The following NELL1 variants were observed in gnomAD, a reference collection of about 807,000 sequenced individuals.
The protein encoded by NELL1 is neural EGFL like 1, also known as protein kinase C-binding protein NELL1.
A neutral mutation model predicts 107.4 loss-of-function variants in NELL1; 76 were observed. That is an observed-to-expected ratio of 0.71 (90% CI 0.59 to 0.86). The LOEUF is 0.86. Ranked by LOEUF, NELL1 falls within the 40% of genes least tolerant of loss-of-function variation. The pLI is 0.00. For synonymous variants in NELL1, 353 were observed against 341.2 expected (o/e 1.03, Z -0.38); for missense variants, 1,024 against 1,005.5 (o/e 1.02, Z -0.25).
chr11:21,409,649 A>T (rs1852327001), intron 15 of NELL1, among the ~76,000 whole-genome samples: 1 of 151,970 alleles, frequency 6.6e-6, no homozygotes, highest in South Asian at 2.1e-4. Flanking sequence ...AAAGAACCTA[A>T]AATTCAGGCT....
chr11:20,784,305 T>C (rs1182070151), intron 3 of NELL1, among the ~76,000 whole-genome samples: 2 of 152,048 alleles, frequency 1.3e-5, no homozygotes, highest in African/African-American at 2.4e-5. Flanking sequence ...AATCAGGAAA[T>C]AAAGGTAAGA....
chr11:20,671,749 G>A (rs1017888477), intron 1 of NELL1, among the ~76,000 whole-genome samples: 3 of 149,684 alleles, frequency 2.0e-5, no homozygotes, highest in Non-Finnish European at 4.4e-5. Flanking sequence ...GAAACTGGCA[G>A]GCATTTTAAT....
intron 13 of NELL1, among the ~76,000 whole-genome samples, chr11:21,127,399 A>G (rs534904603): frequency 6.6e-6 from 1 of 152,270 alleles, no homozygotes; most frequent in Non-Finnish European, 1.5e-5. Flanking sequence ...ATTCAAAACC[A>G]GCCTGGTCAA....
chr11:21,366,182 TTC>T (rs1851215551), intron 14 of NELL1, among the ~76,000 whole-genome samples: 1 of 152,168 alleles, frequency 6.6e-6, no homozygotes, highest in Non-Finnish European at 1.5e-5. Context: ...AGAAATGAGT[TTC>T]TGTTTGTAAA....
intron 13 of NELL1, among the ~76,000 whole-genome samples, chr11:21,121,695 T>C (rs946556553): frequency 6.6e-6 from 1 of 152,124 alleles, no homozygotes; most frequent in East Asian, 1.9e-4. Context: ...GAAGAAATTA[T>C]AGAAACTTTC....
rs565818200 is a variant in NELL1 at position 21,269,137 on chromosome 11, C to T, written c.1549+39683C>T. On this transcript the variant is annotated intron_variant, in intron 14 of 19. Coordinates refer to ENST00000357134, the MANE Select transcript of NELL1 (RefSeq NM_006157.5). ...AAGAAAAAGAAAACTGAGAAAAAAA[C>T]AAAACAAAACAAAAAGCCAAAGAAC... 1.2e-3 allele frequency among the ~76,000 whole-genome samples: 176 copies of T among 151,212 alleles called. 2 individuals are homozygous for T. The highest frequency in any genetic ancestry group is 2.2e-3 in the Non-Finnish European group (147 of 67,742).
intron 2 of NELL1, among the ~76,000 whole-genome samples, chr11:20,700,868 A>C (rs1194523402): frequency 1.3e-5 from 2 of 152,200 alleles, no homozygotes; most frequent in Non-Finnish European, 2.9e-5. Flanking sequence ...CTAGTATTCC[A>C]TGGTGTATAT....
chr11:20,952,108 G>A (rs1851080542), intron 11 of NELL1, among the ~76,000 whole-genome samples: 1 of 151,918 alleles, frequency 6.6e-6, no homozygotes, highest in Non-Finnish European at 1.5e-5. Context: ...GACCACTCCA[G>A]GAAAACAGAC....
chr11:20,841,021 T>G (rs956756378), intron 3 of NELL1, among the ~76,000 whole-genome samples: 6 of 152,204 alleles, frequency 3.9e-5, no homozygotes, highest in African/African-American at 1.4e-4. Context: ...CTTTCTTCGG[T>G]TTCATGTTTC....
rs570690442 is a variant in NELL1, at chr11:21,540,401, T to C, written c.1786+5887T>C. On this transcript the variant is annotated intron_variant, in intron 16 of 19. Transcript: ENST00000357134. ...ATTTTCCCTACCTCCATCAAATCAA[T>C]TTTTTTAGCTCCTACACATGAGTGA... Among the ~76,000 whole-genome samples the C allele has an allele frequency of 2.0e-5, 3 of 152,170 alleles. No homozygotes were observed. The South Asian group carries it at 6.2e-4, about 32-fold the overall frequency.
intron 4 of NELL1, among the ~76,000 whole-genome samples, chr11:20,883,740 GT>G (rs1371232673): frequency 6.6e-6 from 1 of 151,926 alleles, no homozygotes; most frequent in African/African-American, 2.4e-5. Context: ...ACTTTCCCTT[GT>G]TTCATAACTT....
intron 7 of NELL1, among the ~76,000 whole-genome samples, chr11:20,921,081 C>A (rs1379262471): frequency 6.6e-6 from 1 of 152,012 alleles, no homozygotes. Flanking sequence ...AAATTTTGGG[C>A]CTTGCAAGCC....
chr11:21,278,045 T>G (rs1848908724), intron 14 of NELL1, among the ~76,000 whole-genome samples: 2 of 34,572 alleles, frequency 5.8e-5, no homozygotes, highest in South Asian at 1.2e-3. Flanking sequence ...ACTTGAAGTA[T>G]AATAAAAAAA....
At chr11:21,417,524 G>GT (rs1852548577) in intron 15 of NELL1, among the ~76,000 whole-genome samples, 4 of 151,486 alleles carry the variant, frequency 2.6e-5, no homozygotes, top group South Asian at 4.2e-4. Flanking sequence ...GACCCTGTGG[G>GT]TTTTTTTCCT....
intron 14 of NELL1, among the ~76,000 whole-genome samples, chr11:21,368,441 A>G (rs1179351894): frequency 6.6e-6 from 1 of 151,488 alleles, no homozygotes; most frequent in Non-Finnish European, 1.5e-5. Flanking sequence ...TGCCTTTGTG[A>G]ACACCGGATT....
intron 16 of NELL1, among the ~76,000 whole-genome samples, chr11:21,537,594 G>A (rs1332021739): frequency 6.6e-6 from 1 of 151,920 alleles, no homozygotes; most frequent in Admixed American, 6.6e-5. Context: ...TATCTTTTTA[G>A]CATTTGTATT....
Position 20,985,941 on chromosome 11 carries a change from T to C in NELL1, c.1300+25381T>C, listed in dbSNP as rs114303241. The stretch of plus-strand genomic sequence containing the variant: ...AGCTAGGCTACTGCTGTCACTGTCT[T>C]GTGAGGCTTTACTAATGGACTTCAC... On this transcript the variant is annotated intron_variant, in intron 12 of 19. Coordinates refer to ENST00000357134, the MANE Select transcript of NELL1 (RefSeq NM_006157.5). 5.3e-3 allele frequency among the ~76,000 whole-genome samples: 801 copies of C among 152,348 alleles called. 4 individuals carry two copies. The highest frequency in any genetic ancestry group is 0.019 in the African/African-American group (774 of 41,592).
intron 9 of NELL1, among the ~76,000 whole-genome samples, chr11:20,937,517 T>G (rs1431981777): frequency 6.6e-6 from 1 of 152,262 alleles, no homozygotes; most frequent in Non-Finnish European, 1.5e-5. Context: ...CTACATCAGT[T>G]CATTCTCTAG....
At chr11:20,938,806 G>A (rs1340277001) in intron 10 of NELL1, among the ~76,000 whole-genome samples, 1 of 152,144 alleles carries the variant, frequency 6.6e-6, no homozygotes, top group Non-Finnish European at 1.5e-5. Context: ...AGAGTGATGA[G>A]AGATGAACCT....
Sources: gnomAD v4.1 joint callset for allele counts (sites outside exome capture counted in the v4.1 genomes callset) on GRCh38, gnomAD v4.1.1 for gene constraint, MANE v1.5 for transcripts, NCBI Gene and HGNC (gene_info 2026-07-23, HGNC 2026-07-21) for gene names.